The following COL5A3 variants were observed in gnomAD, a reference collection of about 807,000 sequenced individuals.
The protein encoded by COL5A3 is collagen alpha-3(V) chain.
In COL5A3, 172 loss-of-function variants were observed where a neutral mutation model predicts 250.0. The ratio of observed to expected loss-of-function variants is 0.69; its 90% confidence interval spans 0.61 to 0.78. COL5A3 has a LOEUF of 0.78. Ranked by LOEUF, COL5A3 falls within the 30% of genes least tolerant of loss-of-function variation. The probability of loss-of-function intolerance (pLI) is 0.00; values close to 1 mark genes in which losing one functional copy is unlikely to be tolerated. For missense variants in COL5A3, 2,340 were observed against 2,334.4 expected, an observed-to-expected ratio of 1.00 and a Z score of -0.05; for synonymous variants, 937 against 900.4, an observed-to-expected ratio of 1.04 and a Z score of -0.73.
chr19:10,008,943 G>A (rs2087482972), intron 1 of COL5A3, among the ~76,000 whole-genome samples: 1 of 152,066 alleles, frequency 6.6e-6, no homozygotes, highest in Non-Finnish European at 1.5e-5. Flanking sequence ...GCACGTGGGA[G>A]GGTCATAAAA....
intron 65 of COL5A3, 70 bp from the exon 66 acceptor site, chr19:9,960,960 G>A: frequency 6.4e-7 from 1 of 1,563,822 alleles, no homozygotes; most frequent in South Asian, 1.2e-5. Flanking sequence ...CCACCCCCTG[G>A]AATCTCCATC....
intron 36 of COL5A3, 50 bp from the exon 37 acceptor site, chr19:9,979,942 C>A: frequency 6.3e-7 from 1 of 1,575,168 alleles, no homozygotes. Context: ...GGGCTTCCTC[C>A]CTTCCCACAT....
In COL5A3 at chr19:9,981,095, C is replaced by T; in HGVS notation, c.2498G>A (p.Gly833Glu). 2 of 1,613,936 alleles carry T rather than the reference C, an allele frequency of 1.2e-6. No homozygotes were observed. The highest frequency in any genetic ancestry group is 1.7e-6 in the Non-Finnish European group (2 of 1,179,922). ...CACTGTCTATTTTCTTACTGGTGGT[C>T]CCCGCTCTCCTTCCAGGCCTGGCTG... ...TGQPGLEGERGPPGSRGERGQ... is the reference protein window; with the variant it reads ...TGQPGLEGEREPPGSRGERGQ... Residue 833 changes from glycine to glutamate, a missense_variant, in exon 33 of 67, where the codon GGA becomes GAA. Physicochemically the swap from Gly to Glu is moderately conservative, Grantham distance 98 (BLOSUM62 -2). Around this residue, in one of 3 missense-constraint regions of COL5A3, gnomAD observed 1,152 missense variants for 1,146.3 expected, o/e 1.00. Coordinates refer to ENST00000264828, the MANE Select transcript of COL5A3 (RefSeq NM_015719.4).
At chr19:9,981,658 C>T (rs556740530) in intron 32 of COL5A3, among the ~76,000 whole-genome samples, 3 of 152,266 alleles carry the variant, frequency 2.0e-5, no homozygotes, top group African/African-American at 7.2e-5. Context: ...TGCATGTATA[C>T]CCATCACTCA....
Position 10,009,232 on chromosome 19 carries a change from G to T in COL5A3, c.88+1066C>A, listed in dbSNP as rs2087489128. 6.7e-6 allele frequency among the ~76,000 whole-genome samples: 1 copy of T among 149,602 alleles called. No homozygotes were observed. The highest frequency in any genetic ancestry group is 1.5e-5 in the Non-Finnish European group (1 of 67,590). On this transcript the variant is annotated intron_variant, in intron 1 of 66. Transcript: ENST00000264828. This position sits in a 1 kb window ranked among gnomAD's most constrained non-coding sequence, Gnocchi z 4.4. The stretch of plus-strand genomic sequence containing the variant: ...GGGAGACTGAGCTCACCTTAGAAAG[G>T]GATTTCCAGGAGGACCTAGTCTAGG...
chr19:9,984,487 A>T (rs2145103870), intron 31 of COL5A3, among the ~76,000 whole-genome samples: 1 of 152,350 alleles, frequency 6.6e-6, no homozygotes, highest in South Asian at 2.1e-4. Flanking sequence ...TTGCATAAGT[A>T]CATTTGACTA....
At position 10,003,593 on chromosome 19, in the gene COL5A3, C is replaced by T. The variant is rs773002376; in HGVS notation, c.821G>A (p.Ser274Asn). ...GTTCTCTGCGGAGTCAGGAGGTGGA[C>T]TTGAGGTCCAAATTTCCTTGTTCTT... Reference protein sequence around the residue: ...RKKNKEIWTSSPPPDSAENQT... With the variant: ...RKKNKEIWTSNPPPDSAENQT... The change falls in exon 6 of 67, where the codon AGT becomes AAT. Residue 274 changes from serine (S) to asparagine (N), a missense_variant. Around this residue, in one of 3 missense-constraint regions of COL5A3, gnomAD observed 1,152 missense variants for 1,146.3 expected, o/e 1.00. Transcript: ENST00000264828. The T allele has an allele frequency of 3.9e-5, 63 of 1,614,088 alleles. No individual in the cohort carries two copies. Among genetic ancestry groups the T allele is most frequent in the Non-Finnish European group, 4.9e-5 (58 of 1,180,050 alleles).
chr19:9,973,172 C>T, intron 50 of COL5A3, 146 bp from the exon 51 acceptor site: 1 of 678,830 alleles, frequency 1.5e-6, no homozygotes, highest in East Asian at 2.8e-5. Context: ...GGTCAAAGGT[C>T]AGAAGGAGCT....
chr19:9,966,821 A>G (rs1276386017), intron 62 of COL5A3, 75 bp from the exon 63 acceptor site: 2 of 1,141,992 alleles, frequency 1.8e-6, no homozygotes, highest in Non-Finnish European at 2.5e-6. Context: ...AGAGACAGGC[A>G]GAGATGAAGA....
intron 1 of COL5A3, among the ~76,000 whole-genome samples, chr19:10,007,118 T>C (rs145089902): frequency 2.1e-3 from 314 of 146,724 alleles, no homozygotes; most frequent in African/African-American, 7.8e-3. Flanking sequence ...CTCTCCCCTA[T>C]GACCTCCTCC....
chr19:9,996,419 C>T lies in COL5A3; in HGVS notation c.1422+14G>A, dbSNP rs1435799316. 4 of 1,613,190 alleles carry T rather than the reference C, an allele frequency of 2.5e-6. No homozygotes were observed. Among genetic ancestry groups the T allele is most frequent in the South Asian group, 2.2e-5 (2 of 90,944 alleles). On this transcript the variant is annotated intron_variant, in intron 13 of 66. Coordinates refer to ENST00000264828, the MANE Select transcript of COL5A3 (RefSeq NM_015719.4). ...TCTGGGGTTCCTCCCACTATGTCCACACCTCCCACTCACCTGAGTCTGCTG... is the reference window on the plus strand; with the variant it reads ...TCTGGGGTTCCTCCCACTATGTCCATACCTCCCACTCACCTGAGTCTGCTG...
chr19:9,998,415 AACTG>A (rs1013531691), intron 8 of COL5A3, among the ~76,000 whole-genome samples: 26 of 152,312 alleles, frequency 1.7e-4, no homozygotes, highest in African/African-American at 5.8e-4. Context: ...GCCTCTTACT[AACTG>A]AGTGATCTAA....
rs1324820176 is a variant in COL5A3, at chr19:9,983,603, AAAG to A, written c.2407-1488_2407-1486del. ...AAGAAAGAAAGAAAGAAAGAAAGAG[AAAG>A]AGAGAGAGAGAGAAAGAAAGAAAGA... On this transcript the variant is annotated intron_variant, in intron 31 of 66. Coordinates refer to ENST00000264828, the MANE Select transcript of COL5A3 (RefSeq NM_015719.4). 1.2e-3 allele frequency among the ~76,000 whole-genome samples: 155 copies of A among 126,356 alleles called. 5 individuals carry two copies. Among genetic ancestry groups the A allele is most frequent in the African/African-American group, 4.4e-3 (144 of 32,774 alleles). The allele number at this position is 126,356 out of a possible 152,430, so 82.9% of individuals were successfully genotyped here. A position where few individuals can be genotyped will look rare whatever the true frequency, so the allele number is the denominator to read the frequency against.
chr19:9,994,563 T>C (rs1378155490), intron 16 of COL5A3, among the ~76,000 whole-genome samples: 1 of 27,846 alleles, frequency 3.6e-5, no homozygotes, highest in Non-Finnish European at 6.4e-5. Flanking sequence ...GTTTTACATA[T>C]ATATATATAT....
intron 24 of COL5A3, among the ~76,000 whole-genome samples, chr19:9,989,772 T>G (rs1393535666): frequency 6.6e-6 from 1 of 152,190 alleles, no homozygotes; most frequent in Non-Finnish European, 1.5e-5. Flanking sequence ...ACAAGATTGA[T>G]AGCACAACAG....
chr19:9,989,006 C>T, intron 27 of COL5A3, 118 bp downstream of exon 27: 1 of 1,035,752 alleles, frequency 9.7e-7, no homozygotes, highest in East Asian at 2.4e-5. Flanking sequence ...AGTCCCACTA[C>T]ATTTGGCCTG....
chr19:9,969,943 A>AC (rs1555734532), intron 54 of COL5A3, 21 bp from the exon 55 acceptor site: 13 of 1,594,904 alleles, frequency 8.2e-6, no homozygotes, highest in Non-Finnish European at 1.1e-5. Flanking sequence ...AAAGACAGTG[A>AC]GGGGGGTCTA....
At chr19:9,973,672 G>A in intron 49 of COL5A3, 49 bp from the exon 50 acceptor site, 1 of 1,611,012 alleles carries the variant, frequency 6.2e-7, no homozygotes, top group Non-Finnish European at 8.5e-7. Context: ...CTAGCAGACA[G>A]GGAGGGGCTC....
rs11669453 is a variant in COL5A3 at position 9,968,240 on chromosome 19, T to C, written c.4314+145A>G. The stretch of plus-strand genomic sequence containing the variant: ...CCAAACCCCAGACGCAGCCTCCAAC[T>C]TGCCAGTTCCCAGATACATCCCCCT... On this transcript the variant is annotated intron_variant, in intron 59 of 66. Coordinates refer to ENST00000264828, the MANE Select transcript of COL5A3 (RefSeq NM_015719.4). This position sits in a 1 kb window ranked among gnomAD's most constrained non-coding sequence, Gnocchi z 4.1. The C allele has an allele frequency of 0.045, 43,515 of 968,560 alleles. 1,180 individuals carry two copies. The highest frequency in any genetic ancestry group is 0.068 in the Middle Eastern group (212 of 3,104). The allele number at this position is 968,560 out of a possible 1,614,324, so 60.0% of individuals were successfully genotyped here. A position where few individuals can be genotyped will look rare whatever the true frequency, so the allele number is the denominator to read the frequency against.
Sources: gnomAD v4.1 joint callset for allele counts (sites outside exome capture counted in the v4.1 genomes callset) on GRCh38, gnomAD v4.1.1 for gene constraint, gnomAD v4.1.1 regional missense constraint, Gnocchi (gnomAD v3.1) non-coding constraint, MANE v1.5 for transcripts, NCBI Gene and HGNC (gene_info 2026-07-23, HGNC 2026-07-21) for gene names.